GPR158: variants seen among roughly 807,000 people sequenced by gnomAD.
GPR158 encodes the protein metabotropic glycine receptor.
GPR158 carries 30 observed loss-of-function variants against 78.2 expected under a neutral mutation model. That is an observed-to-expected ratio of 0.38 (90% confidence interval 0.29 to 0.52). GPR158 has a LOEUF of 0.52. GPR158 is among the 20% of genes least tolerant of loss of function. The pLI, the probability that GPR158 is intolerant of heterozygous loss-of-function variation, is 0.83. For synonymous variants in GPR158, 581 were observed against 591.1 expected, an observed-to-expected ratio of 0.98 and a Z score of 0.25; for missense variants, 1,463 against 1,523.5, an observed-to-expected ratio of 0.96 and a Z score of 0.66.
chr10:25,275,612 C>T (rs2130747629), intron 2 of GPR158, among the ~76,000 whole-genome samples: 1 of 152,198 alleles, frequency 6.6e-6, no homozygotes, highest in African/African-American at 2.4e-5. Flanking sequence ...TCCACTCTTC[C>T]TTATTCATCT....
At chr10:25,484,903 C>T (rs1338958860) in intron 5 of GPR158, among the ~76,000 whole-genome samples, 1 of 152,090 alleles carries the variant, frequency 6.6e-6, no homozygotes, top group Non-Finnish European at 1.5e-5. Flanking sequence ...ACAATCTATA[C>T]TTTAGATATT....
intron 2 of GPR158, among the ~76,000 whole-genome samples, chr10:25,388,628 G>T (rs1397831338): frequency 6.6e-6 from 1 of 152,262 alleles, no homozygotes; most frequent in Admixed American, 6.5e-5. Flanking sequence ...GGAGCAGCAT[G>T]GTCAGGCATG....
intron 5 of GPR158, among the ~76,000 whole-genome samples, chr10:25,536,113 T>G (rs1280070827): frequency 6.6e-6 from 1 of 152,212 alleles, no homozygotes; most frequent in Non-Finnish European, 1.5e-5. Flanking sequence ...TTTTACCCAC[T>G]GCATTAGGCT....
chr10:25,390,567 G>T (rs1383622262), intron 2 of GPR158, among the ~76,000 whole-genome samples: 4 of 152,224 alleles, frequency 2.6e-5, no homozygotes, highest in Admixed American at 2.6e-4. Flanking sequence ...TCTAGCCAAA[G>T]AAATTTCTAA....
intron 4 of GPR158, among the ~76,000 whole-genome samples, chr10:25,450,725 C>T (rs1015044845): frequency 6.6e-6 from 1 of 152,130 alleles, no homozygotes; most frequent in Non-Finnish European, 1.5e-5. Flanking sequence ...TCTCTTCCTT[C>T]CTTCTTCCCC....
In GPR158 at chr10:25,228,674, T is replaced by G. The variant is rs534540595; in HGVS notation, c.1008+7517T>G. ...TGGTAAGAAGCAGCCAATGTTTTTT[T>G]CCCCCTGAATGTGAGCCCCTTTAGT... On this transcript the variant is annotated intron_variant, in intron 2 of 10. Coordinates refer to ENST00000376351, the MANE Select transcript of GPR158 (RefSeq NM_020752.3). 1.0e-3 allele frequency among the ~76,000 whole-genome samples: 159 copies of G among 152,236 alleles called. 1 individual carries two copies. Among genetic ancestry groups the G allele is most frequent in the African/African-American group, 3.7e-3 (153 of 41,540 alleles).
intron 8 of GPR158, among the ~76,000 whole-genome samples, chr10:25,590,190 C>T (rs1188477252): frequency 6.6e-6 from 1 of 152,058 alleles, no homozygotes; most frequent in Non-Finnish European, 1.5e-5. Flanking sequence ...AGAGACGTTG[C>T]CAGACAGCAG....
At chr10:25,433,573 GC>G in intron 4 of GPR158, among the ~76,000 whole-genome samples, 1 of 135,250 alleles carries the variant, frequency 7.4e-6, no homozygotes, top group Non-Finnish European at 1.7e-5. Context: ...GTGTGTGTGC[GC>G]GCGCGCGTGC....
At chr10:25,401,092 C>G (rs940549783) in intron 3 of GPR158, among the ~76,000 whole-genome samples, 5 of 152,084 alleles carry the variant, frequency 3.3e-5, no homozygotes, top group African/African-American at 4.8e-5. Flanking sequence ...GCTTGAGTCT[C>G]ACACTCTCTT....
At chr10:25,307,519 G>A (rs866934071) in intron 2 of GPR158, among the ~76,000 whole-genome samples, 1 of 151,920 alleles carries the variant, frequency 6.6e-6, no homozygotes, top group Middle Eastern at 3.4e-3. Context: ...AAGTAGCTGG[G>A]ACTACAGGCA....
chr10:25,570,525 A>G (rs1206012396), intron 6 of GPR158, among the ~76,000 whole-genome samples: 1 of 151,934 alleles, frequency 6.6e-6, no homozygotes, highest in Non-Finnish European at 1.5e-5. Flanking sequence ...TTTATTGACC[A>G]CTCTCTATTT....
intron 2 of GPR158, among the ~76,000 whole-genome samples, chr10:25,367,570 A>C (rs768540): frequency 0.8 from 121,761 of 151,638 alleles, 49,867 homozygotes; most frequent in Non-Finnish European, 0.86. Flanking sequence ...GACAAATGGA[A>C]ATCTTGATAA....
chr10:25,266,190 G>T (rs912043862), intron 2 of GPR158, among the ~76,000 whole-genome samples: 1 of 152,092 alleles, frequency 6.6e-6, no homozygotes, highest in East Asian at 1.9e-4. Flanking sequence ...TTTGTTAGAG[G>T]TTTTCATAGA....
intron 2 of GPR158, among the ~76,000 whole-genome samples, chr10:25,281,064 G>A (rs1021236319): frequency 6.6e-6 from 1 of 151,658 alleles, no homozygotes; most frequent in African/African-American, 2.4e-5. Context: ...GAACCTTGGA[G>A]GTGGAGGTTG....
intron 4 of GPR158, among the ~76,000 whole-genome samples, chr10:25,438,434 C>T (rs1026244921): frequency 7.2e-5 from 11 of 152,154 alleles, no homozygotes; most frequent in Non-Finnish European, 1.5e-4. Flanking sequence ...TTGCAAATGG[C>T]ACTTTGTTTT....
chr10:25,208,800 CTG>C (rs1306956078), intron 1 of GPR158, among the ~76,000 whole-genome samples: 1 of 151,866 alleles, frequency 6.6e-6, no homozygotes, highest in African/African-American at 2.4e-5. Context: ...TACTTGGAGA[CTG>C]TACAGGAGAG....
chr10:25,457,548 T>C (rs1467469376), intron 4 of GPR158, among the ~76,000 whole-genome samples: 1 of 152,156 alleles, frequency 6.6e-6, no homozygotes. Flanking sequence ...TACAGAGAAG[T>C]AGCAGCTAAT....
chr10:25,526,615 A>T (rs1375298161), intron 5 of GPR158, among the ~76,000 whole-genome samples: 1 of 152,244 alleles, frequency 6.6e-6, no homozygotes, highest in African/African-American at 2.4e-5. Context: ...ACTCAATAAT[A>T]TAAGGCTGAA....
chr10:25,416,320 T>C (rs185203241), intron 4 of GPR158, among the ~76,000 whole-genome samples: 7 of 152,322 alleles, frequency 4.6e-5, no homozygotes, highest in Admixed American at 4.6e-4. Flanking sequence ...TAGGTACACA[T>C]GCAATCGCAG....
Sources: allele counts gnomAD v4.1 joint callset (sites outside exome capture counted in the v4.1 genomes callset), GRCh38; gene constraint gnomAD v4.1.1; transcripts MANE v1.5; gene names NCBI Gene and HGNC (gene_info 2026-07-23, HGNC 2026-07-21).